CTNNA3: variants seen among roughly 807,000 people sequenced by gnomAD.
CTNNA3 encodes the protein catenin alpha 3, also known as catenin alpha-3.
CTNNA3 carries 76 observed loss-of-function variants against 95.7 expected under a neutral mutation model. The ratio of observed to expected loss-of-function variants is 0.79; its 90% confidence interval spans 0.66 to 0.96. The LOEUF (loss-of-function observed/expected upper bound fraction) is 0.96. Among genes scored for constraint, CTNNA3 ranks in the 40% least tolerant of loss-of-function variants. CTNNA3 has a pLI of 0.00. For missense variants in CTNNA3, 1,191 were observed against 1,089.8 expected, an observed-to-expected ratio of 1.09 and a Z score of -1.31; for synonymous variants, 431 against 374.4, an observed-to-expected ratio of 1.15 and a Z score of -1.74.
chr10:67,257,120 A>AT (rs1866383869), intron 5 of CTNNA3, among the ~76,000 whole-genome samples: 1 of 152,214 alleles, frequency 6.6e-6, no homozygotes, highest in Non-Finnish European at 1.5e-5. Flanking sequence ...CTATAAAACA[A>AT]TATCAAACAA....
intron 2 of CTNNA3, among the ~76,000 whole-genome samples, chr10:67,626,258 A>G (rs1244460150): frequency 1.3e-5 from 2 of 151,246 alleles, no homozygotes; most frequent in Non-Finnish European, 2.9e-5. Context: ...TGGGGTACCC[A>G]TTTGTCATTG....
intron 14 of CTNNA3, among the ~76,000 whole-genome samples, chr10:66,073,679 T>C (rs1326074540): frequency 6.6e-6 from 1 of 152,106 alleles, no homozygotes; most frequent in East Asian, 1.9e-4. Flanking sequence ...TTACCATTCC[T>C]GCTGTCTTCT....
chr10:66,682,294 C>CAATT (rs1847093109), intron 9 of CTNNA3, among the ~76,000 whole-genome samples: 1 of 151,886 alleles, frequency 6.6e-6, no homozygotes, highest in African/African-American at 2.4e-5. Flanking sequence ...TTCCCCAAAC[C>CAATT]AATTAATCTT....
chr10:65,971,714 C>A (rs977075764), intron 16 of CTNNA3, among the ~76,000 whole-genome samples: 9 of 151,880 alleles, frequency 5.9e-5, no homozygotes, highest in Admixed American at 3.3e-4. Context: ...AGAGCCCCAG[C>A]CAAATTCTAC....
At chr10:66,526,706 G>A (rs915545316) in intron 10 of CTNNA3, among the ~76,000 whole-genome samples, 1 of 152,146 alleles carries the variant, frequency 6.6e-6, no homozygotes, top group African/African-American at 2.4e-5. Context: ...GATTAATGAT[G>A]CTGAACATCT....
intron 9 of CTNNA3, among the ~76,000 whole-genome samples, chr10:66,689,992 C>A (rs1255452307): frequency 6.6e-6 from 1 of 151,930 alleles, no homozygotes; most frequent in Non-Finnish European, 1.5e-5. Flanking sequence ...GAAAATAGAA[C>A]AAAGAGGATA....
At chr10:66,085,559 GA>G (rs1159705101) in intron 14 of CTNNA3, among the ~76,000 whole-genome samples, 2 of 151,542 alleles carry the variant, frequency 1.3e-5, no homozygotes, top group Admixed American at 1.3e-4. Flanking sequence ...TCATAATCAA[GA>G]AAAAAATAAA....
intron 6 of CTNNA3, among the ~76,000 whole-genome samples, chr10:67,200,602 C>T (rs887073458): frequency 2.6e-5 from 4 of 152,112 alleles, no homozygotes; most frequent in African/African-American, 9.7e-5. Context: ...GAATAGGAGT[C>T]TGTATCAAGT....
chr10:66,701,199 T>C (rs1181023953), intron 9 of CTNNA3, among the ~76,000 whole-genome samples: 1 of 152,128 alleles, frequency 6.6e-6, no homozygotes, highest in Non-Finnish European at 1.5e-5. Context: ...TTATGGACTC[T>C]AGTCATTTCT....
chr10:67,272,916 T>C (rs1409963282), intron 5 of CTNNA3, among the ~76,000 whole-genome samples: 2 of 152,144 alleles, frequency 1.3e-5, no homozygotes, highest in Non-Finnish European at 2.9e-5. Context: ...TTATCACTCA[T>C]CTGTCACTCA....
intron 5 of CTNNA3, among the ~76,000 whole-genome samples, chr10:67,488,807 C>T (rs1331368566): frequency 1.3e-5 from 2 of 151,922 alleles, no homozygotes; most frequent in Admixed American, 6.6e-5. Flanking sequence ...GTAGCTGGGA[C>T]TACAGGCGCA....
At chr10:66,165,865 T>C (rs2085101042) in intron 13 of CTNNA3, among the ~76,000 whole-genome samples, 1 of 151,970 alleles carries the variant, frequency 6.6e-6, no homozygotes, top group South Asian at 2.1e-4. Flanking sequence ...GCCTCCCAGG[T>C]TCAAGCAATT....
At chr10:67,505,435 C>T (rs371652756) in intron 5 of CTNNA3, among the ~76,000 whole-genome samples, 2 of 152,086 alleles carry the variant, frequency 1.3e-5, no homozygotes, top group East Asian at 3.9e-4. Flanking sequence ...TGTGGTGGAC[C>T]ATTACATTCT....
chr10:66,918,629 C>T (rs1457712764), intron 7 of CTNNA3, among the ~76,000 whole-genome samples: 2 of 152,174 alleles, frequency 1.3e-5, no homozygotes, highest in East Asian at 3.8e-4. Context: ...ACATCAATGG[C>T]ATTACAAAAT....
chr10:66,407,206 G>GA (rs75023003), intron 11 of CTNNA3, among the ~76,000 whole-genome samples: 3,770 of 136,246 alleles, frequency 0.028, 148 homozygotes, highest in East Asian at 0.2. Context: ...GTGCTTAAAA[G>GA]AAAAAAAAAA....
At chr10:67,402,435 G>A (rs1005202076) in intron 5 of CTNNA3, among the ~76,000 whole-genome samples, 1 of 152,152 alleles carries the variant, frequency 6.6e-6, no homozygotes, top group Non-Finnish European at 1.5e-5. Context: ...AGAGTGGGCC[G>A]AGACCTCCAA....
chr10:66,212,546 T>G (rs1046680703), intron 13 of CTNNA3, among the ~76,000 whole-genome samples: 1 of 152,218 alleles, frequency 6.6e-6, no homozygotes, highest in African/African-American at 2.4e-5. Flanking sequence ...CTTAATCTTT[T>G]TTTTGATGCT....
chr10:67,662,188 C>T (rs908072007), intron 1 of CTNNA3, among the ~76,000 whole-genome samples: 1 of 152,090 alleles, frequency 6.6e-6, no homozygotes, highest in Non-Finnish European at 1.5e-5. Flanking sequence ...TAGTACCAAA[C>T]CCTATATATA....
intron 9 of CTNNA3, among the ~76,000 whole-genome samples, chr10:66,632,788 C>G (rs1845191728): frequency 6.6e-6 from 1 of 151,128 alleles, no homozygotes; most frequent in African/African-American, 2.4e-5. Flanking sequence ...AAAAGATAGG[C>G]AAAACTTTGT....
Sources: allele counts gnomAD v4.1 joint callset (sites outside exome capture counted in the v4.1 genomes callset), GRCh38; gene constraint gnomAD v4.1.1; transcripts MANE v1.5; gene names NCBI Gene and HGNC (gene_info 2026-07-23, HGNC 2026-07-21).